The following TYROBP variants were observed in gnomAD, a reference collection of about 807,000 sequenced individuals.
TYROBP encodes transmembrane immune signaling adaptor TYROBP, also known as TYRO protein tyrosine kinase-binding protein.
A neutral mutation model predicts 17.1 loss-of-function variants in TYROBP; 14 were observed. The observed-to-expected ratio is 0.82, with a 90% CI of 0.54 to 1.28. The LOEUF (loss-of-function observed/expected upper bound fraction) is 1.28, where lower values mean the gene tolerates loss of function less well. Among genes scored for constraint, TYROBP ranks in the 50% most tolerant of loss-of-function variants. The pLI is 0.00. For missense variants in TYROBP, 161 were observed against 151.4 expected, an observed-to-expected ratio of 1.06 and a Z score of -0.33; for synonymous variants, 73 against 67.4, an observed-to-expected ratio of 1.08 and a Z score of -0.41.
chr19:35,907,227 C>A lies in TYROBP; in HGVS notation c.267G>T (p.Ser89=). The A allele has an allele frequency of 6.2e-7, 1 of 1,603,518 alleles. No homozygotes were observed. Among genetic ancestry groups the A allele is most frequent in the Admixed American group, 1.7e-5 (1 of 57,304 alleles). The part of the protein sequence containing the change: ...TRKQRITETE[S]PYQELQGQRS... ...AGTCTGGTTTTCTCACCTGATAAGG[C>A]GACTCGGTCTCAGTGATACGCTGTT... Residue 89 remains serine, a synonymous_variant, in exon 4 of 5, where the codon TCG becomes TCT. Transcript: ENST00000262629.
In TYROBP at chr19:35,908,239, G is replaced by A; in HGVS notation, c.-11C>T. 1 of 1,613,374 alleles carries A rather than the reference G, an allele frequency of 6.2e-7. No homozygotes were observed. The highest frequency in any genetic ancestry group is 8.5e-7 in the Non-Finnish European group (1 of 1,179,434). The stretch of plus-strand genomic sequence containing the variant: ...TTCAAGTCCCCCCATGAAGCCGGAT[G>A]CTGCTGGACACCACAGTGTAAGGGC... On this transcript the variant is annotated 5_prime_UTR_variant, in exon 1 of 5. Coordinates refer to ENST00000262629, the MANE Select transcript of TYROBP (RefSeq NM_003332.4).
chr19:35,904,545 G>T lies in TYROBP; in HGVS notation c.*24C>A, dbSNP rs1264761182. Reference sequence around the variant, plus strand: ...AGGAATGGCTGGATCCAGGTATCATGTTGCTGACTGTCATGATTCGGGCTC... The same window carrying T: ...AGGAATGGCTGGATCCAGGTATCATTTTGCTGACTGTCATGATTCGGGCTC... On this transcript the variant is annotated 3_prime_UTR_variant, in exon 5 of 5. Transcript: ENST00000262629. 4 of 1,612,270 alleles carry T rather than the reference G, an allele frequency of 2.5e-6. No homozygotes were observed. The highest frequency in any genetic ancestry group is 3.4e-6 in the Non-Finnish European group (4 of 1,179,124).
In TYROBP at chr19:35,908,153, A is replaced by G. The variant is rs1975776722; in HGVS notation, c.61+15T>C. 1 of 1,612,930 alleles carries G rather than the reference A, an allele frequency of 6.2e-7. No individual in the cohort carries two copies. The highest frequency in any genetic ancestry group is 8.5e-7 in the Non-Finnish European group (1 of 1,179,354). On this transcript the variant is annotated intron_variant, in intron 1 of 4. Transcript: ENST00000262629. ...CCAGGGACCCGGGAGGCAGCCACGG[A>G]AGCCCCTAACTCACCACTTACAGCC...
chr19:35,907,193 G>A, intron 4 of TYROBP, 25 bp downstream of exon 4: 1 of 1,589,940 alleles, frequency 6.3e-7, no homozygotes, highest in Non-Finnish European at 8.6e-7. Context: ...AGTGAAATGT[G>A]AGGAGGACAG....
intron 4 of TYROBP, among the ~76,000 whole-genome samples, chr19:35,904,978 AG>A (rs1975687768): frequency 6.7e-6 from 1 of 150,148 alleles, no homozygotes; most frequent in South Asian, 2.1e-4. Context: ...AAAAAAAAAA[AG>A]CCTGTTTATT....
At position 35,904,783 on chromosome 19, in the gene TYROBP, TCTC is replaced by T. The variant is rs1412995737; in HGVS notation, c.277-152_277-150del. On this transcript the variant is annotated intron_variant, in intron 4 of 4. Transcript: ENST00000262629. ...TTCAAGTACATTCAATGTTCCCCCT[TCTC>T]CTCTGCCTCATCAGTGTGCCCCAGC... The T allele has an allele frequency of 5.5e-6, 4 of 725,608 alleles. No individual in the cohort carries two copies. The East Asian group carries it at 1.1e-4, about 20-fold the overall frequency. The allele number at this position is 725,608 out of a possible 1,614,324, so 44.9% of individuals were successfully genotyped here.
At chr19:35,906,606 C>T (rs1162100852) in intron 4 of TYROBP, among the ~76,000 whole-genome samples, 1 of 152,064 alleles carries the variant, frequency 6.6e-6, no homozygotes, top group African/African-American at 2.4e-5. Flanking sequence ...CTGAGAGCGT[C>T]TCCCAGAAAT....
In TYROBP at chr19:35,907,271, G is replaced by A. The variant is rs748132054; in HGVS notation, c.230-7C>T. On this transcript the variant is annotated splice_polypyrimidine_tract_variant and splice_region_variant and intron_variant, in intron 3 of 4. Transcript: ENST00000262629. ...CGCTGTTTCCGGGTCGCTGCTGGAG[G>A]TGAGGGGTGTTGTGGGGTGCAGAGA... The A allele has an allele frequency of 6.2e-7, 1 of 1,611,522 alleles. No individual in the cohort carries two copies. Among genetic ancestry groups the A allele is most frequent in the Non-Finnish European group, 8.5e-7 (1 of 1,179,022 alleles).
intron 4 of TYROBP, among the ~76,000 whole-genome samples, chr19:35,906,669 C>T (rs916940247): frequency 6.6e-6 from 1 of 151,742 alleles, no homozygotes; most frequent in African/African-American, 2.4e-5. Flanking sequence ...TGACTTCTGG[C>T]AAGGCCTGTG....
At chr19:35,907,163 G>T in intron 4 of TYROBP, 55 bp downstream of exon 4, 1 of 1,523,684 alleles carries the variant, frequency 6.6e-7, no homozygotes, top group Non-Finnish European at 9.0e-7. Flanking sequence ...GGAGTATCTG[G>T]GGCAGATATC....
rs1568503100 is a variant in TYROBP at position 35,904,620 on chromosome 19, C to T, written c.291G>A (p.Gln97=). ...TESPYQELQG[Q]RSDVYSDLNT... is the part of the protein sequence containing the mutation. ...TGAGGTCGCTGTAGACATCCGACCT[C>T]TGACCCTGGAGCTCCTAAAGGAATG... The change falls in exon 5 of 5, where the codon CAG becomes CAA. Residue 97 remains glutamine (Q), a synonymous_variant. Coordinates refer to ENST00000262629, the MANE Select transcript of TYROBP (RefSeq NM_003332.4). 2 of 1,613,354 alleles carry T rather than the reference C, an allele frequency of 1.2e-6. No homozygotes were observed. Among genetic ancestry groups the T allele is most frequent in the Non-Finnish European group, 1.7e-6 (2 of 1,179,738 alleles).
In TYROBP at chr19:35,904,589, G is replaced by T. The variant is rs1438043311; in HGVS notation, c.322C>A (p.Gln108Lys). The change falls in exon 5 of 5, where the codon CAG becomes AAG. Residue 108 changes from glutamine to lysine, a missense_variant. Physicochemically the swap from Gln to Lys is moderately conservative, Grantham distance 53 (BLOSUM62 1). Coordinates refer to ENST00000262629, the MANE Select transcript of TYROBP (RefSeq NM_003332.4). ...RSDVYSDLNTQRPYYK is the reference protein window; with the variant it reads ...RSDVYSDLNTKRPYYK ...CGGGCTCATTTGTAATACGGCCTCT[G>T]TGTGTTGAGGTCGCTGTAGACATCC... 1 of 1,613,560 alleles carries T rather than the reference G, an allele frequency of 6.2e-7. No homozygotes were observed. Among genetic ancestry groups the T allele is most frequent in the Non-Finnish European group, 8.5e-7 (1 of 1,179,918 alleles).
rs779491857 is a variant in TYROBP at position 35,907,267 on chromosome 19, G to A, written c.230-3C>T. On this transcript the variant is annotated splice_polypyrimidine_tract_variant and splice_region_variant and intron_variant, in intron 3 of 4. Transcript: ENST00000262629. ...GATACGCTGTTTCCGGGTCGCTGCT[G>A]GAGGTGAGGGGTGTTGTGGGGTGCA... is the stretch of plus-strand genomic sequence containing the variant. 89 of 1,610,992 alleles carry A rather than the reference G, an allele frequency of 5.5e-5. No individual in the cohort carries two copies. The highest frequency in any genetic ancestry group is 7.2e-5 in the Non-Finnish European group (85 of 1,178,846).
Position 35,904,565 on chromosome 19 carries a change from G to A in TYROBP, c.*4C>T, listed in dbSNP as rs758119257. 10 of 1,613,260 alleles carry A rather than the reference G, an allele frequency of 6.2e-6. No individual in the cohort carries two copies. Among genetic ancestry groups the A allele is most frequent in the East Asian group, 2.2e-5 (1 of 44,882 alleles). Reference sequence around the variant, plus strand: ...ATCATGTTGCTGACTGTCATGATTCGGGCTCATTTGTAATACGGCCTCTGT... The same window carrying A: ...ATCATGTTGCTGACTGTCATGATTCAGGCTCATTTGTAATACGGCCTCTGT... On this transcript the variant is annotated 3_prime_UTR_variant, in exon 5 of 5. Coordinates refer to ENST00000262629, the MANE Select transcript of TYROBP (RefSeq NM_003332.4).
At chr19:35,907,390 G>GCCCCCCCCCC in intron 3 of TYROBP, 56 bp downstream of exon 3, 2 of 1,425,268 alleles carry the variant, frequency 1.4e-6, no homozygotes, top group Non-Finnish European at 2.0e-6. Flanking sequence ...AGTTTACCCA[G>GCCCCCCCCCC]CCCCCCACCC....
Position 35,908,275 on chromosome 19 carries a change from T to C in TYROBP, c.-47A>G, listed in dbSNP as rs769840656. 3.9e-6 allele frequency: 6 copies of C among 1,552,954 alleles called. No homozygotes were observed. Among genetic ancestry groups the C allele is most frequent in the Non-Finnish European group, 5.3e-6 (6 of 1,125,052 alleles). On this transcript the variant is annotated 5_prime_UTR_variant, in exon 1 of 5. Coordinates refer to ENST00000262629, the MANE Select transcript of TYROBP (RefSeq NM_003332.4). ...CCACAGTGTAAGGGCCGGTGGGATG[T>C]GGCGCAGCGTCCAGGCAAGTGAAGG...
intron 2 of TYROBP, 50 bp from the exon 3 acceptor site, chr19:35,907,630 A>T (rs1975762256): frequency 6.2e-7 from 1 of 1,612,776 alleles, no homozygotes; most frequent in African/African-American, 1.3e-5. Flanking sequence ...AACTGTGGGG[A>T]GGGGGGTCAG....
chr19:35,907,614 GC>G (rs762153343), intron 2 of TYROBP, 34 bp from the exon 3 acceptor site: 2 of 1,613,916 alleles, frequency 1.2e-6, no homozygotes, highest in African/African-American at 2.7e-5. Flanking sequence ...GTCAGTGTGT[GC>G]TGGGAACTGT....
intron 4 of TYROBP, among the ~76,000 whole-genome samples, chr19:35,906,761 C>T (rs1201174411): frequency 4.1e-5 from 6 of 147,118 alleles, no homozygotes; most frequent in Non-Finnish European, 9.0e-5. Flanking sequence ...GAGTTTTCCT[C>T]TTGTTGCCCA....
Sources: gnomAD v4.1 joint callset for allele counts (sites outside exome capture counted in the v4.1 genomes callset) on GRCh38, gnomAD v4.1.1 for gene constraint, MANE v1.5 for transcripts, NCBI Gene and HGNC (gene_info 2026-07-23, HGNC 2026-07-21) for gene names.